Variants in MAGI2 observed in about 807,000 individuals in gnomAD.
The protein encoded by MAGI2 is membrane-associated guanylate kinase, WW and PDZ domain-containing protein 2.
MAGI2 carries 35 observed loss-of-function variants against 133.3 expected under a neutral mutation model. The ratio of observed to expected loss-of-function variants is 0.26; its 90% CI spans 0.20 to 0.35. The LOEUF is 0.35. Ranked by LOEUF, MAGI2 falls within the 10% of genes least tolerant of loss-of-function variation. The probability of loss-of-function intolerance (pLI) is 1.00; values close to 1 mark genes in which losing one functional copy is unlikely to be tolerated. For missense variants in MAGI2, 1,636 were observed against 1,863.4 expected, an observed-to-expected ratio of 0.88 and a Z score of 2.25; for synonymous variants, 729 against 710.6, an observed-to-expected ratio of 1.03 and a Z score of -0.41.
At chr7:78,980,203 T>C (rs1804656494) in intron 2 of MAGI2, among the ~76,000 whole-genome samples, 1 of 151,842 alleles carries the variant, frequency 6.6e-6, no homozygotes, top group Admixed American at 6.6e-5. Context: ...GAGATAATGA[T>C]TATATCTTCC....
chr7:78,382,108 T>G (rs1427923297), intron 6 of MAGI2, among the ~76,000 whole-genome samples: 1 of 152,118 alleles, frequency 6.6e-6, no homozygotes, highest in African/African-American at 2.4e-5. Flanking sequence ...ACTATACAGC[T>G]GTAAAATCTG....
chr7:78,226,931 AG>A (rs1262812872), intron 10 of MAGI2, among the ~76,000 whole-genome samples: 3 of 152,330 alleles, frequency 2.0e-5, no homozygotes, highest in Admixed American at 2.0e-4. Flanking sequence ...CAATAATTGC[AG>A]GGTTGGGACA....
chr7:79,436,426 T>C (rs1848149071), intron 1 of MAGI2, among the ~76,000 whole-genome samples: 1 of 151,972 alleles, frequency 6.6e-6, no homozygotes, highest in Non-Finnish European at 1.5e-5. Context: ...ACCTAAAGAA[T>C]AGGAGAAAAT....
chr7:78,088,435 C>A (rs186821821), intron 20 of MAGI2, among the ~76,000 whole-genome samples: 1 of 152,186 alleles, frequency 6.6e-6, no homozygotes, highest in Non-Finnish European at 1.5e-5. Context: ...TGAAAAGGTA[C>A]ACCAAGATGG....
chr7:78,840,916 T>C (rs1056699975), intron 2 of MAGI2, among the ~76,000 whole-genome samples: 2 of 151,976 alleles, frequency 1.3e-5, no homozygotes, highest in African/African-American at 4.8e-5. Flanking sequence ...TTAACTGACG[T>C]AGATACATTA....
chr7:79,329,136 G>A (rs1265824452), intron 1 of MAGI2, among the ~76,000 whole-genome samples: 1 of 152,156 alleles, frequency 6.6e-6, no homozygotes, highest in Non-Finnish European at 1.5e-5. Flanking sequence ...CACACACTGG[G>A]TTAGCCCATT....
At chr7:79,171,948 T>C (rs549155312) in intron 1 of MAGI2, among the ~76,000 whole-genome samples, 3 of 151,460 alleles carry the variant, frequency 2.0e-5, no homozygotes, top group Admixed American at 6.6e-5. Flanking sequence ...GTGATCTCCT[T>C]ATACTTTGGT....
chr7:79,299,000 T>C (rs1336652625), intron 1 of MAGI2, among the ~76,000 whole-genome samples: 1 of 152,172 alleles, frequency 6.6e-6, no homozygotes, highest in Non-Finnish European at 1.5e-5. Flanking sequence ...CCATGGTATT[T>C]TGTCATGGCA....
chr7:79,045,173 T>C (rs1000439328), intron 1 of MAGI2, among the ~76,000 whole-genome samples: 3 of 152,194 alleles, frequency 2.0e-5, no homozygotes, highest in South Asian at 2.1e-4. Flanking sequence ...TAAAAGTAAA[T>C]GTAATCTATA....
chr7:79,434,549 A>G (rs894203477), intron 1 of MAGI2, among the ~76,000 whole-genome samples: 1 of 152,220 alleles, frequency 6.6e-6, no homozygotes, highest in Non-Finnish European at 1.5e-5. Flanking sequence ...GAGTCTCATA[A>G]TGGATAAGGT....
chr7:79,448,919 A>G (rs1202454475), intron 1 of MAGI2, among the ~76,000 whole-genome samples: 2 of 152,228 alleles, frequency 1.3e-5, no homozygotes, highest in East Asian at 3.9e-4. Context: ...ATCTACATGT[A>G]CCAGAAAACT....
chr7:79,377,965 C>A (rs903592421), intron 1 of MAGI2, among the ~76,000 whole-genome samples: 2 of 151,926 alleles, frequency 1.3e-5, no homozygotes, highest in South Asian at 4.1e-4. Flanking sequence ...AAATACAGTT[C>A]ATTAAGCTGA....
chr7:79,130,900 AATTCATTC>A (rs10555338), intron 1 of MAGI2, among the ~76,000 whole-genome samples: 7,330 of 150,670 alleles, frequency 0.049, 249 homozygotes, highest in African/African-American at 0.093. Flanking sequence ...GAAAGTCACC[AATTCATTC>A]ATTCATTCAT....
intron 1 of MAGI2, among the ~76,000 whole-genome samples, chr7:79,184,698 A>G (rs1176714910): frequency 6.6e-6 from 1 of 151,830 alleles, no homozygotes; most frequent in Non-Finnish European, 1.5e-5. Context: ...TAAAAACAGT[A>G]GGTTACTAAT....
chr7:78,693,458 A>G (rs2151128635), intron 2 of MAGI2, among the ~76,000 whole-genome samples: 1 of 152,326 alleles, frequency 6.6e-6, no homozygotes, highest in East Asian at 1.9e-4. Context: ...AGCAGAATCA[A>G]AAAGTTTCAG....
At chr7:78,928,371 G>A (rs1799867659) in intron 2 of MAGI2, among the ~76,000 whole-genome samples, 1 of 151,776 alleles carries the variant, frequency 6.6e-6, no homozygotes, top group South Asian at 2.1e-4. Flanking sequence ...GTGCAGTCAT[G>A]AGGTTCCTTC....
chr7:78,483,995 G>C (rs1792704660), intron 6 of MAGI2: 1 of 151,810 alleles, frequency 6.6e-6, no homozygotes, highest in African/African-American at 2.4e-5. Context: ...AATACTGAAA[G>C]GTAAAATTAA....
intron 7 of MAGI2, among the ~76,000 whole-genome samples, chr7:78,353,838 G>A (rs544630573): frequency 7.2e-5 from 11 of 152,292 alleles, no homozygotes; most frequent in African/African-American, 1.7e-4. Flanking sequence ...AGCAAGAGGC[G>A]TAGGGGAGCG....
At chr7:78,177,897 C>T in intron 14 of MAGI2, 114 bp downstream of exon 14, 1 of 726,932 alleles carries the variant, frequency 1.4e-6, no homozygotes, top group Non-Finnish European at 2.3e-6. Flanking sequence ...GCTTAAACTT[C>T]TTTATGAGAG....
Sources: gnomAD v4.1 joint callset for allele counts (sites outside exome capture counted in the v4.1 genomes callset) on GRCh38, gnomAD v4.1.1 for gene constraint, MANE v1.5 for transcripts, NCBI Gene and HGNC (gene_info 2026-07-23, HGNC 2026-07-21) for gene names.